The following FASLG variants were observed in gnomAD, a reference collection of about 807,000 sequenced individuals.
FASLG encodes the protein Fas ligand.
In FASLG, 9 loss-of-function variants were observed where a neutral mutation model predicts 24.6. That is an observed-to-expected ratio of 0.37 (90% confidence interval 0.22 to 0.64). The LOEUF is 0.64. Ranked by LOEUF, FASLG falls within the 30% of genes least tolerant of loss-of-function variation. FASLG has a pLI of 0.64. For missense variants in FASLG, 306 were observed against 345.3 expected (o/e 0.89, Z 0.90); for synonymous variants, 130 against 135.5 (o/e 0.96, Z 0.28).
At chr1:172,661,125 C>T (rs1014336497) in intron 2 of FASLG, among the ~76,000 whole-genome samples, 2 of 152,100 alleles carry the variant, frequency 1.3e-5, no homozygotes, top group Non-Finnish European at 2.9e-5. Context: ...TGGACTGGTG[C>T]CTCATGAAGG....
In FASLG at chr1:172,660,080, T is replaced by G; in HGVS notation, c.349-15T>G. The G allele has an allele frequency of 1.2e-6, 2 of 1,613,282 alleles. No homozygotes were observed. The highest frequency in any genetic ancestry group is 2.2e-5 in the South Asian group (2 of 91,010). ...TTATTTTTATTATACATCTTTTCTC[T>G]TTCTGTTTTACTAGTCTACCAGCCA... On this transcript the variant is annotated splice_polypyrimidine_tract_variant and intron_variant, in intron 1 of 3. Coordinates refer to ENST00000367721, the MANE Select transcript of FASLG (RefSeq NM_000639.3).
intron 2 of FASLG, 141 bp downstream of exon 2, chr1:172,660,281 G>A (rs56369692): frequency 4.8e-6 from 4 of 831,326 alleles, no homozygotes; most frequent in Admixed American, 2.0e-5. Flanking sequence ...CAGAATCTCT[G>A]GTCTATGATT....
chr1:172,659,155 G>A lies in FASLG; in HGVS notation c.-47G>A, dbSNP rs754722958. Reference sequence around the variant, plus strand: ...GACACCTCAGCCTCTACAGGACTGAGAAGAAGTAAAACCGTTTGCTGGGGC... The same window carrying A: ...GACACCTCAGCCTCTACAGGACTGAAAAGAAGTAAAACCGTTTGCTGGGGC... On this transcript the variant is annotated 5_prime_UTR_variant, in exon 1 of 4. Coordinates refer to ENST00000367721, the MANE Select transcript of FASLG (RefSeq NM_000639.3). The A allele has an allele frequency of 3.1e-6, 5 of 1,613,422 alleles. No individual in the cohort carries two copies. Among genetic ancestry groups the A allele is most frequent in the South Asian group, 1.1e-5 (1 of 90,898 alleles).
chr1:172,665,524 C>T (rs991230528), intron 3 of FASLG, 98 bp from the exon 4 acceptor site: 5 of 1,392,624 alleles, frequency 3.6e-6, no homozygotes, highest in East Asian at 2.3e-5. Context: ...CTGGGTGAAA[C>T]ATTTGTTGAA....
intron 2 of FASLG, among the ~76,000 whole-genome samples, chr1:172,661,121 G>C (rs1236848533): frequency 6.6e-6 from 1 of 152,180 alleles, no homozygotes; most frequent in Non-Finnish European, 1.5e-5. Context: ...GTACTGGACT[G>C]GTGCCTCATG....
rs1240694827 is a variant in FASLG at position 172,666,045 on chromosome 1, T to C, written c.*29T>C. 1.2e-6 allele frequency: 2 copies of C among 1,613,248 alleles called. No homozygotes were observed. The highest frequency in any genetic ancestry group is 1.7e-6 in the Non-Finnish European group (2 of 1,179,878). ...AAGCACTTTGGGATTCTTTCCATTA[T>C]GATTCTTTGTTACAGGCACCGAGAA... On this transcript the variant is annotated 3_prime_UTR_variant, in exon 4 of 4. Transcript: ENST00000367721.
intron 3 of FASLG, among the ~76,000 whole-genome samples, chr1:172,664,639 A>G (rs755766547): frequency 1.3e-5 from 2 of 152,192 alleles, no homozygotes; most frequent in Non-Finnish European, 2.9e-5. Context: ...TGCCCATAAG[A>G]AGCTCATTCT....
At chr1:172,663,511 T>G (rs1659186193) in intron 2 of FASLG, among the ~76,000 whole-genome samples, 1 of 152,032 alleles carries the variant, frequency 6.6e-6, no homozygotes, top group African/African-American at 2.4e-5. Context: ...GAAATCTGCT[T>G]GAAAGAACAT....
chr1:172,664,276 C>A (rs2101809636), intron 2 of FASLG, 58 bp from the exon 3 acceptor site: 1 of 1,553,600 alleles, frequency 6.4e-7, no homozygotes, highest in Non-Finnish European at 8.8e-7. Context: ...TAAATTCCCA[C>A]CAAAATAATA....
chr1:172,663,717 G>A (rs1260139287), intron 2 of FASLG, among the ~76,000 whole-genome samples: 1 of 152,120 alleles, frequency 6.6e-6, no homozygotes, highest in Non-Finnish European at 1.5e-5. Flanking sequence ...AGGTGTTTGA[G>A]GACTCAGTGA....
At chr1:172,660,478 A>C (rs1033407678) in intron 2 of FASLG, among the ~76,000 whole-genome samples, 1 of 152,218 alleles carries the variant, frequency 6.6e-6, no homozygotes, top group Non-Finnish European at 1.5e-5. Context: ...TGGTCCTGGC[A>C]CACACGCCAG....
chr1:172,660,617 A>G (rs1659117457), intron 2 of FASLG, among the ~76,000 whole-genome samples: 1 of 152,228 alleles, frequency 6.6e-6, no homozygotes, highest in Non-Finnish European at 1.5e-5. Flanking sequence ...GTTTTATAGG[A>G]TGTAAGCTTT....
At chr1:172,665,335 G>A (rs1483534712) in intron 3 of FASLG, among the ~76,000 whole-genome samples, 1 of 152,186 alleles carries the variant, frequency 6.6e-6, no homozygotes, top group African/African-American at 2.4e-5. Flanking sequence ...TAGTTCTGAA[G>A]ATAGTAAAAT....
intron 2 of FASLG, among the ~76,000 whole-genome samples, chr1:172,660,687 C>T (rs1482195984): frequency 6.6e-6 from 1 of 152,172 alleles, no homozygotes; most frequent in Non-Finnish European, 1.5e-5. Context: ...CACTGAGAAG[C>T]TTAAGGGAAG....
At position 172,666,124 on chromosome 1, in the gene FASLG, A is replaced by G. The variant is rs974376698; in HGVS notation, c.*108A>G. On this transcript the variant is annotated 3_prime_UTR_variant, in exon 4 of 4. Transcript: ENST00000367721. ...TGCATTTGAGGTCAAGTAAGAAGACATGAACCAAGTGGACCTTGAGACCAC... is the reference window on the plus strand; with the variant it reads ...TGCATTTGAGGTCAAGTAAGAAGACGTGAACCAAGTGGACCTTGAGACCAC... The G allele has an allele frequency of 1.8e-5, 25 of 1,388,422 alleles. No individual in the cohort carries two copies. The Admixed American group carries it at 4.7e-4, about 26-fold the overall frequency. 86.0% of individuals were successfully genotyped at this position (1,388,422 alleles called of 1,614,324 possible).
Position 172,664,341 on chromosome 1 carries a change from C to A in FASLG, c.402C>A (p.Pro134=). 6.2e-7 allele frequency: 1 copy of A among 1,613,924 alleles called. No individual in the cohort carries two copies. Among genetic ancestry groups the A allele is most frequent in the Non-Finnish European group, 8.5e-7 (1 of 1,179,904 alleles). Residue 134 remains proline, a synonymous_variant, in exon 3 of 4, where the codon CCC becomes CCA. Coordinates refer to ENST00000367721, the MANE Select transcript of FASLG (RefSeq NM_000639.3). ...CCTCTCTCTATGATACAGGCCACCC[C>A]AGTCCACCCCCTGAAAAAAAGGAGC... The part of the protein sequence containing the change: ...ASSLEKQIGH[P]SPPPEKKELR...
In FASLG at chr1:172,665,611, A is replaced by T. The variant is rs1325141549; in HGVS notation, c.452-11A>T. The T allele has an allele frequency of 1.9e-6, 3 of 1,610,828 alleles. No individual in the cohort carries two copies. The highest frequency in any genetic ancestry group is 2.5e-6 in the Non-Finnish European group (3 of 1,179,992). On this transcript the variant is annotated splice_polypyrimidine_tract_variant and intron_variant, in intron 3 of 3. Coordinates refer to ENST00000367721, the MANE Select transcript of FASLG (RefSeq NM_000639.3). ...ATTCCTTGTTGAAAGCTCCTTTTGG[A>T]TTTATTTCAGGCAAGTCCAACTCAA...
In FASLG at chr1:172,665,913, T is replaced by C. The variant is rs1571333759; in HGVS notation, c.743T>C (p.Val248Ala). Residue 248 changes from valine to alanine, a missense_variant, in exon 4 of 4, where the codon GTG becomes GCG. Val to Ala is a moderately conservative substitution (Grantham distance 64). Coordinates refer to ENST00000367721, the MANE Select transcript of FASLG (RefSeq NM_000639.3). ...MWARSSYLGA[V>A]FNLTSADHLY... ...GCCCGCAGCAGCTACCTGGGGGCAG[T>C]GTTCAATCTTACCAGTGCTGATCAT... 6.2e-7 allele frequency: 1 copy of C among 1,612,092 alleles called. No individual in the cohort carries two copies. Among genetic ancestry groups the C allele is most frequent in the Non-Finnish European group, 8.5e-7 (1 of 1,178,404 alleles).
chr1:172,666,031 G>A lies in FASLG; in HGVS notation c.*15G>A. On this transcript the variant is annotated 3_prime_UTR_variant, in exon 4 of 4. Transcript: ENST00000367721. Reference sequence around the variant, plus strand: ...ATAAGCTCTAAGAGAAGCACTTTGGGATTCTTTCCATTATGATTCTTTGTT... The same window carrying A: ...ATAAGCTCTAAGAGAAGCACTTTGGAATTCTTTCCATTATGATTCTTTGTT... 2 of 1,613,784 alleles carry A rather than the reference G, an allele frequency of 1.2e-6. No individual in the cohort carries two copies. Among genetic ancestry groups the A allele is most frequent in the Non-Finnish European group, 8.5e-7 (1 of 1,179,970 alleles).
Sources: allele counts gnomAD v4.1 joint callset (sites outside exome capture counted in the v4.1 genomes callset), GRCh38; gene constraint gnomAD v4.1.1; transcripts MANE v1.5; gene names NCBI Gene and HGNC (gene_info 2026-07-23, HGNC 2026-07-21).